The following ALG14 variants were observed in gnomAD, a reference collection of about 807,000 sequenced individuals.
The protein encoded by ALG14 is UDP-N-acetylglucosamine transferase subunit ALG14.
ALG14 carries 17 observed loss-of-function variants against 22.8 expected under a neutral mutation model. The observed-to-expected ratio is 0.75, with a 90% confidence interval of 0.51 to 1.12. ALG14 has a LOEUF of 1.12. Among genes scored for constraint, ALG14 ranks in the 50% most tolerant of loss-of-function variants. The pLI is 0.00. For synonymous variants in ALG14, 89 were observed against 103.7 expected (o/e 0.86, Z 0.86); for missense variants, 288 against 271.8 (o/e 1.06, Z -0.42).
At chr1:95,042,806 C>T (rs1049656347) in intron 2 of ALG14, among the ~76,000 whole-genome samples, 5 of 152,250 alleles carry the variant, frequency 3.3e-5, no homozygotes, top group South Asian at 2.1e-4. Context: ...TTTTAAAAGT[C>T]GGGTCCTTCT....
chr1:94,981,527 G>A lies in ALG14; in HGVS notation c.*1549C>T, dbSNP rs540092754. ...CTCAGGATTTTAATCTTACATGATC[G>A]TGGATAATCATGTCTCTTTTCACAA... On this transcript the variant is annotated 3_prime_UTR_variant, in exon 4 of 4. Coordinates refer to ENST00000370205, the MANE Select transcript of ALG14 (RefSeq NM_144988.4). The A allele has an allele frequency of 4.1e-5, 6 of 148,106 alleles. No individual in the cohort carries two copies. Among genetic ancestry groups the A allele is most frequent in the Non-Finnish European group, 8.9e-5 (6 of 67,458 alleles). 9.2% of individuals were successfully genotyped at this position (148,106 alleles called of 1,614,324 possible).
At chr1:95,028,323 T>G (rs1232061683) in intron 2 of ALG14, among the ~76,000 whole-genome samples, 3 of 152,094 alleles carry the variant, frequency 2.0e-5, no homozygotes, top group Non-Finnish European at 2.9e-5. Flanking sequence ...TCTTCCCACC[T>G]CAGCCTCCAG....
intron 3 of ALG14, among the ~76,000 whole-genome samples, chr1:94,996,870 C>G: frequency 6.6e-6 from 1 of 151,958 alleles, no homozygotes; most frequent in Non-Finnish European, 1.5e-5. Context: ...TTAGTAGAGA[C>G]AGGGTTTCAC....
chr1:95,049,515 A>C (rs1571654151), intron 2 of ALG14, among the ~76,000 whole-genome samples: 1 of 152,134 alleles, frequency 6.6e-6, no homozygotes, highest in East Asian at 1.9e-4. Context: ...AATCTGGGTG[A>C]CAGAGTGAGA....
chr1:95,004,106 T>C (rs1269952942), intron 3 of ALG14, among the ~76,000 whole-genome samples: 2 of 151,576 alleles, frequency 1.3e-5, no homozygotes, highest in Admixed American at 6.6e-5. Flanking sequence ...ATTTTACAGA[T>C]AAGAAACCTG....
At chr1:95,060,543 T>G (rs1178505333) in intron 2 of ALG14, among the ~76,000 whole-genome samples, 1 of 149,580 alleles carries the variant, frequency 6.7e-6, no homozygotes, top group African/African-American at 2.5e-5. Context: ...GGTGAAACCC[T>G]GTCTCTATTA....
chr1:95,002,247 G>C (rs12082888), intron 3 of ALG14, among the ~76,000 whole-genome samples: 67 of 152,132 alleles, frequency 4.4e-4, no homozygotes, highest in Non-Finnish European at 6.6e-4. Flanking sequence ...AAGTACCTGG[G>C]GGGGGGAACC....
Position 95,072,830 on chromosome 1 carries a change from C to G in ALG14, c.69G>C (p.Trp23Cys), listed in dbSNP as rs1260612661. The change falls in exon 1 of 4, where the codon TGG becomes TGC. Residue 23 changes from tryptophan to cysteine, a missense_variant. By Grantham distance (215) the Trp-to-Cys change is radical. Coordinates refer to ENST00000370205, the MANE Select transcript of ALG14 (RefSeq NM_144988.4). ...AVAVFLILRIWVVLRSMDVTP... is the reference protein window; with the variant it reads ...AVAVFLILRICVVLRSMDVTP... ...TAACGTCCATGGAACGAAGCACTAC[C>G]CATATTCGCAGGATTAGGAAAACCG... The G allele has an allele frequency of 6.2e-7, 1 of 1,614,032 alleles. No individual in the cohort carries two copies. The highest frequency in any genetic ancestry group is 8.5e-7 in the Non-Finnish European group (1 of 1,180,040).
At chr1:95,052,329 A>G (rs990994527) in intron 2 of ALG14, among the ~76,000 whole-genome samples, 1 of 152,240 alleles carries the variant, frequency 6.6e-6, no homozygotes, top group African/African-American at 2.4e-5. Flanking sequence ...GTATAAAGCA[A>G]TAATAATGAT....
chr1:95,044,467 C>CA (rs1674480614), intron 2 of ALG14, among the ~76,000 whole-genome samples: 1 of 152,202 alleles, frequency 6.6e-6, no homozygotes, highest in Non-Finnish European at 1.5e-5. Flanking sequence ...TCCTTCCACT[C>CA]ACTCTCCTCC....
In ALG14 at chr1:94,977,074, CCTT is replaced by C. The variant is rs1672411456; in HGVS notation, c.*5999_*6001del. On this transcript the variant is annotated 3_prime_UTR_variant, in exon 4 of 4. Coordinates refer to ENST00000370205, the MANE Select transcript of ALG14 (RefSeq NM_144988.4). ...GCCTTTTGAGATCTTGAGCAGAAAA[CCTT>C]CTTTGCCTGGATTTCTAACCTACAG... The C allele has an allele frequency of 6.6e-6, 1 of 152,220 alleles. No homozygotes were observed. The highest frequency in any genetic ancestry group is 2.4e-5 in the African/African-American group (1 of 41,438). The allele number at this position is 152,220 out of a possible 1,614,324, so 9.4% of individuals were successfully genotyped here. A position where few individuals can be genotyped will look rare whatever the true frequency, so the allele number is the denominator to read the frequency against.
chr1:95,002,089 T>C (rs2100736675), intron 3 of ALG14, among the ~76,000 whole-genome samples: 1 of 152,328 alleles, frequency 6.6e-6, no homozygotes, highest in Admixed American at 6.5e-5. Flanking sequence ...GAAACACTGG[T>C]TGTTGCAGGC....
intron 2 of ALG14, among the ~76,000 whole-genome samples, chr1:95,055,949 G>T (rs1355267702): frequency 4.7e-5 from 7 of 149,766 alleles, no homozygotes; most frequent in South Asian, 4.2e-4. Flanking sequence ...GGCAGAGCTT[G>T]CAGTGAGCGG....
intron 1 of ALG14, among the ~76,000 whole-genome samples, chr1:95,068,418 C>T (rs1444152727): frequency 6.6e-6 from 1 of 152,130 alleles, no homozygotes; most frequent in Non-Finnish European, 1.5e-5. Flanking sequence ...TCCTGAGTAG[C>T]TGGGATTACA....
intron 2 of ALG14, among the ~76,000 whole-genome samples, chr1:95,034,708 AGCT>A (rs1041877933): frequency 3.3e-5 from 5 of 152,238 alleles, no homozygotes; most frequent in African/African-American, 1.2e-4. Flanking sequence ...ACTGCTGAGG[AGCT>A]GCTTTCCCCA....
At chr1:94,999,389 A>T (rs1673001654) in intron 3 of ALG14, among the ~76,000 whole-genome samples, 1 of 137,186 alleles carries the variant, frequency 7.3e-6, no homozygotes, top group Non-Finnish European at 1.5e-5. Context: ...ATGAGGCTTC[A>T]AGTGCTTATC....
intron 3 of ALG14, among the ~76,000 whole-genome samples, chr1:95,016,429 T>C (rs1004614880): frequency 2.0e-5 from 3 of 152,166 alleles, no homozygotes; most frequent in Admixed American, 2.0e-4. Flanking sequence ...ACAAATGCCT[T>C]CTCCATCAGA....
chr1:95,065,136 T>G, intron 1 of ALG14, 119 bp from the exon 2 acceptor site: 1 of 827,364 alleles, frequency 1.2e-6, no homozygotes. Context: ...TAATTGTATA[T>G]TTCTCAGAAG....
At chr1:95,009,363 A>G (rs1673304475) in intron 3 of ALG14, among the ~76,000 whole-genome samples, 1 of 152,078 alleles carries the variant, frequency 6.6e-6, no homozygotes. Context: ...TTCACTTATC[A>G]TTATTAAAGA....
Sources: allele counts gnomAD v4.1 joint callset (sites outside exome capture counted in the v4.1 genomes callset), GRCh38; gene constraint gnomAD v4.1.1; transcripts MANE v1.5; gene names NCBI Gene and HGNC (gene_info 2026-07-23, HGNC 2026-07-21).